Variants in PARD6G observed in about 807,000 individuals in gnomAD.
PARD6G encodes par-6 family cell polarity regulator gamma.
PARD6G carries 7 observed loss-of-function variants against 10.7 expected under a neutral mutation model. The observed-to-expected ratio is 0.66, with a 90% CI of 0.37 to 1.23. PARD6G has a LOEUF of 1.23. Among genes scored for constraint, PARD6G ranks in the 50% most tolerant of loss-of-function variants. The probability of loss-of-function intolerance (pLI) is 0.02; values close to 1 mark genes in which losing one functional copy is unlikely to be tolerated. For synonymous variants in PARD6G, 287 were observed against 269.4 expected (o/e 1.07, Z -0.64); for missense variants, 548 against 571.8 (o/e 0.96, Z 0.42).
intron 2 of PARD6G, among the ~76,000 whole-genome samples, chr18:80,173,075 A>G (rs1443826569): frequency 6.6e-6 from 1 of 152,186 alleles, no homozygotes; most frequent in Admixed American, 6.5e-5. Context: ...AGCCCTGAAT[A>G]TCAGGCATTA....
chr18:80,172,007 C>T (rs766098253), intron 2 of PARD6G, among the ~76,000 whole-genome samples: 28 of 152,304 alleles, frequency 1.8e-4, no homozygotes, highest in African/African-American at 6.0e-4. Context: ...TTTCCAGAGA[C>T]GCAGAACCAA....
chr18:80,185,444 T>C (rs1196961014), intron 2 of PARD6G, among the ~76,000 whole-genome samples: 2 of 152,138 alleles, frequency 1.3e-5, no homozygotes, highest in African/African-American at 4.8e-5. Flanking sequence ...CTGTCTAATT[T>C]TTAATGTATT....
Position 80,227,487 on chromosome 18 carries a change from A to C in PARD6G, c.72+19790T>G, listed in dbSNP as rs958723507. ...GTGAAGATGTTTTCAAGCAACAAAAACAGGGAGGCAATGTTTCAAATACTT... is the reference window on the plus strand; with the variant it reads ...GTGAAGATGTTTTCAAGCAACAAAACCAGGGAGGCAATGTTTCAAATACTT... On this transcript the variant is annotated intron_variant, in intron 1 of 2. Transcript: ENST00000353265. 5.2e-4 allele frequency among the ~76,000 whole-genome samples: 79 copies of C among 152,326 alleles called. 1 individual carries two copies. The highest frequency in any genetic ancestry group is 1.8e-3 in the African/African-American group (74 of 41,572).
At chr18:80,205,689 G>A (rs1049777702) in intron 1 of PARD6G, among the ~76,000 whole-genome samples, 16 of 152,168 alleles carry the variant, frequency 1.1e-4, no homozygotes, top group African/African-American at 2.7e-4. Context: ...CCCTGAGGCC[G>A]TCCCAGGAGC....
rs2052681540 is a variant in PARD6G at position 80,159,698 on chromosome 18, G to A, written c.*73C>T. 7.6e-7 allele frequency: 1 copy of A among 1,320,250 alleles called. No individual in the cohort carries two copies. The allele number at this position is 1,320,250 out of a possible 1,614,324, so 81.8% of individuals were successfully genotyped here. A position where few individuals can be genotyped will look rare whatever the true frequency, so the allele number is the denominator to read the frequency against. ...GTCACAAAAACAACAAAAAATGAGC[G>A]GATGCAGTCTGCAGGTCCTGTCCCT... On this transcript the variant is annotated 3_prime_UTR_variant, in exon 3 of 3. Transcript: ENST00000353265.
rs2052729567 is a variant in PARD6G at position 80,165,490 on chromosome 18, T to C, written c.296-4884A>G. Among the ~76,000 whole-genome samples, 3 of 152,318 alleles carry C rather than the reference T, an allele frequency of 2.0e-5. No homozygotes were observed. In the South Asian group the frequency reaches 6.2e-4, roughly 32 times the overall value. On this transcript the variant is annotated intron_variant, in intron 2 of 2. Transcript: ENST00000353265. The stretch of plus-strand genomic sequence containing the variant: ...AACACATGTTTTACAATTTGTACAG[T>C]TAACAAAATTATCACAGTGGTCCTG...
intron 1 of PARD6G, among the ~76,000 whole-genome samples, chr18:80,243,940 G>C (rs1040379786): frequency 1.6e-4 from 24 of 152,156 alleles, no homozygotes; most frequent in South Asian, 4.1e-4. Flanking sequence ...TGGGAGCGGG[G>C]ATGAGCTGTG....
At chr18:80,237,473 A>G (rs1279471290) in intron 1 of PARD6G, among the ~76,000 whole-genome samples, 1 of 152,248 alleles carries the variant, frequency 6.6e-6, no homozygotes, top group African/African-American at 2.4e-5. Context: ...ACAAAAAGCA[A>G]TGGCAACAAA....
Position 80,246,641 on chromosome 18 carries a change from T to TG in PARD6G, c.72+635dup, listed in dbSNP as rs1256291546. 0.02 allele frequency among the ~76,000 whole-genome samples: 388 copies of TG among 19,128 alleles called. 3 individuals carry two copies. The highest frequency in any genetic ancestry group is 0.071 in the African/African-American group (361 of 5,112). The allele number at this position is 19,128 out of a possible 152,430, so 12.5% of individuals were successfully genotyped here. On this transcript the variant is annotated intron_variant, in intron 1 of 2. Transcript: ENST00000353265. This position sits in a 1 kb window ranked among gnomAD's most constrained non-coding sequence, Gnocchi z 6.7. ...TGGGGGCGCGCCCGTGGGGGTGGGG[T>TG]GGGGTGTCTGGCCCGGGGACGCGCC...
chr18:80,210,033 C>T (rs1014709808), intron 1 of PARD6G, among the ~76,000 whole-genome samples: 17 of 152,046 alleles, frequency 1.1e-4, no homozygotes, highest in South Asian at 6.2e-4. Context: ...GGATAGAGCT[C>T]GAGAAGTGCT....
At position 80,165,699 on chromosome 18, in the gene PARD6G, T is replaced by C. The variant is rs1210066968; in HGVS notation, c.296-5093A>G. On this transcript the variant is annotated intron_variant, in intron 2 of 2. Coordinates refer to ENST00000353265, the MANE Select transcript of PARD6G (RefSeq NM_032510.4). Reference sequence around the variant, plus strand: ...GGTCCCTGACTTCCCGCAATGGATATGTCTTTGCCTCTAAAATTTTAGTAA... The same window carrying C: ...GGTCCCTGACTTCCCGCAATGGATACGTCTTTGCCTCTAAAATTTTAGTAA... Among the ~76,000 whole-genome samples the C allele has an allele frequency of 2.0e-5, 3 of 152,196 alleles. No individual in the cohort carries two copies. In the East Asian group the frequency reaches 5.8e-4, roughly 29 times the overall value.
chr18:80,243,728 G>C (rs184423838), intron 1 of PARD6G, among the ~76,000 whole-genome samples: 21 of 152,264 alleles, frequency 1.4e-4, no homozygotes, highest in African/African-American at 4.6e-4. Context: ...TCTGGCACAG[G>C]CATCCAGAAT....
chr18:80,227,719 T>C (rs922997355), intron 1 of PARD6G, among the ~76,000 whole-genome samples: 3 of 152,182 alleles, frequency 2.0e-5, no homozygotes, highest in African/African-American at 7.2e-5. Flanking sequence ...CAGTGGATTC[T>C]CCTGAGAGTC....
chr18:80,244,845 G>A (rs1297441688), intron 1 of PARD6G, among the ~76,000 whole-genome samples: 1 of 152,104 alleles, frequency 6.6e-6, no homozygotes, highest in Admixed American at 6.5e-5. Context: ...GGAGATAGAT[G>A]CTACAGTAAC....
At chr18:80,238,654 C>G (rs1324586769) in intron 1 of PARD6G, among the ~76,000 whole-genome samples, 1 of 152,012 alleles carries the variant, frequency 6.6e-6, no homozygotes, top group Non-Finnish European at 1.5e-5. Context: ...TGTTCTGCAT[C>G]TTGACCACCA....
chr18:80,213,399 T>TAA (rs1270770779), intron 1 of PARD6G, among the ~76,000 whole-genome samples: 1 of 152,158 alleles, frequency 6.6e-6, no homozygotes, highest in Non-Finnish European at 1.5e-5. Context: ...AAGTGAAAGC[T>TAA]AAAGCAGACT....
chr18:80,204,606 TAA>T (rs777099969), intron 1 of PARD6G, among the ~76,000 whole-genome samples: 16 of 137,070 alleles, frequency 1.2e-4, no homozygotes, highest in Non-Finnish European at 1.6e-4. Context: ...CCTCAGCAAT[TAA>T]AAAAAAAAAA....
At chr18:80,202,955 G>T in intron 1 of PARD6G, 23 bp from the exon 2 acceptor site, 7 of 336,478 alleles carry the variant, frequency 2.1e-5, no homozygotes, top group South Asian at 8.3e-5. Context: ...AGACGGGGTG[G>T]GGGGAGGGGC....
At chr18:80,191,742 G>A (rs1217590094) in intron 2 of PARD6G, among the ~76,000 whole-genome samples, 17 of 152,192 alleles carry the variant, frequency 1.1e-4, no homozygotes. Context: ...TGGGTTTTTG[G>A]TTCCTCGCCT....
Sources: gnomAD v4.1 joint callset for allele counts (sites outside exome capture counted in the v4.1 genomes callset) on GRCh38, gnomAD v4.1.1 for gene constraint, Gnocchi (gnomAD v3.1) non-coding constraint, MANE v1.5 for transcripts, NCBI Gene and HGNC (gene_info 2026-07-23, HGNC 2026-07-21) for gene names.